ELAVL3: variants seen among roughly 807,000 people sequenced by gnomAD.
The protein encoded by ELAVL3 is ELAV like RNA binding protein 3.
Under a neutral mutation model 34.2 loss-of-function variants are expected in ELAVL3, and 8 were observed. That is an observed-to-expected ratio of 0.23 (90% CI 0.14 to 0.42). The LOEUF (loss-of-function observed/expected upper bound fraction) is 0.42, where lower values mean the gene tolerates loss of function less well. Among genes scored for constraint, ELAVL3 ranks in the 10% least tolerant of loss-of-function variants. The probability of loss-of-function intolerance (pLI) is 1.00; values close to 1 mark genes in which losing one functional copy is unlikely to be tolerated. For missense variants in ELAVL3, 273 were observed against 518.8 expected (o/e 0.53, Z 4.60); for synonymous variants, 209 against 222.1 (o/e 0.94, Z 0.53).
Position 11,454,292 on chromosome 19 carries a change from T to C in ELAVL3, c.*234A>G, listed in dbSNP as rs113632486. The C allele has an allele frequency of 4.7e-4, 252 of 541,066 alleles. No individual in the cohort carries two copies. The highest frequency in any genetic ancestry group is 3.6e-3 in the African/African-American group (193 of 53,082). The allele number at this position is 541,066 out of a possible 1,614,324, so 33.5% of individuals were successfully genotyped here. A position where few individuals can be genotyped will look rare whatever the true frequency, so the allele number is the denominator to read the frequency against. On this transcript the variant is annotated 3_prime_UTR_variant, in exon 7 of 7. Transcript: ENST00000359227. The surrounding 1 kb of genome is among the most constrained non-coding windows in gnomAD (Gnocchi z 9.2). ...AGACGAGAGAGTGAACAGCCCAGCC[T>C]GGGGTGGGGGCAGGAGGATGGGGCG...
Position 11,480,508 on chromosome 19 carries a change from T to TA in ELAVL3, c.9+91dup. The TA allele has an allele frequency of 8.5e-7, 1 of 1,178,216 alleles. No homozygotes were observed. The highest frequency in any genetic ancestry group is 1.1e-6 in the Non-Finnish European group (1 of 885,904). 73.0% of individuals were successfully genotyped at this position (1,178,216 alleles called of 1,614,324 possible). A position where few individuals can be genotyped will look rare whatever the true frequency, so the allele number is the denominator to read the frequency against. ...ACCCGGGCCTAGCTAGGCCTGGTCC[T>TA]ACCCCCCCCGCCGCACCCGCCCAAT... On this transcript the variant is annotated intron_variant, in intron 1 of 6. Coordinates refer to ENST00000359227, the MANE Select transcript of ELAVL3 (RefSeq NM_001420.4). This position sits in a 1 kb window ranked among gnomAD's most constrained non-coding sequence, Gnocchi z 6.8.
In ELAVL3 at chr19:11,454,465, C is replaced by T; in HGVS notation, c.*61G>A. On this transcript the variant is annotated 3_prime_UTR_variant, in exon 7 of 7. Transcript: ENST00000359227. The surrounding 1 kb of genome is among the most constrained non-coding windows in gnomAD (Gnocchi z 9.2). The stretch of plus-strand genomic sequence containing the variant: ...TTGGGCCCCTTCTCTCTCTCTCTCT[C>T]TCTTTCTCTCTCTCTCTCTCTGCTG... 2.9e-6 allele frequency: 4 copies of T among 1,379,922 alleles called. No individual in the cohort carries two copies. Among genetic ancestry groups the T allele is most frequent in the Admixed American group, 4.7e-5 (2 of 42,822 alleles). 85.5% of individuals were successfully genotyped at this position (1,379,922 alleles called of 1,614,324 possible). A position where few individuals can be genotyped will look rare whatever the true frequency, so the allele number is the denominator to read the frequency against.
rs1970633648 is a variant in ELAVL3 at position 11,451,546 on chromosome 19, T to C, written c.*2980A>G. On this transcript the variant is annotated 3_prime_UTR_variant, in exon 7 of 7. Transcript: ENST00000359227. ...TTTTTATCACCTCCAACATGGACTC[T>C]GTCGTGATTTGAAACCTTCCGAATA... 1 of 146,402 alleles carries C rather than the reference T, an allele frequency of 6.8e-6. No individual in the cohort carries two copies. Among genetic ancestry groups the C allele is most frequent in the Admixed American group, 6.8e-5 (1 of 14,616 alleles). The allele number at this position is 146,402 out of a possible 1,614,324, so 9.1% of individuals were successfully genotyped here.
intron 1 of ELAVL3, among the ~76,000 whole-genome samples, chr19:11,479,438 G>T (rs1347369065): frequency 6.6e-6 from 1 of 152,116 alleles, no homozygotes; most frequent in East Asian, 1.9e-4. Context: ...AGACACACAC[G>T]CAGAGACGGA....
At chr19:11,479,153 C>A (rs1359293070) in intron 1 of ELAVL3, among the ~76,000 whole-genome samples, 2 of 152,140 alleles carry the variant, frequency 1.3e-5, no homozygotes, top group African/African-American at 4.8e-5. Context: ...TTAGGAGATG[C>A]TGGACTGTTG....
chr19:11,475,701 C>T (rs1270037756), intron 1 of ELAVL3, among the ~76,000 whole-genome samples: 2 of 151,508 alleles, frequency 1.3e-5, no homozygotes, highest in African/African-American at 4.9e-5. Flanking sequence ...GCAACCTCCA[C>T]CTCCCAAGTT....
rs1235097322 is a variant in ELAVL3, at chr19:11,452,536, T to C, written c.*1990A>G. On this transcript the variant is annotated 3_prime_UTR_variant, in exon 7 of 7. Transcript: ENST00000359227. Reference sequence around the variant, plus strand: ...TGTGTGTTTTCTTTTTTTGTTGCTTTTTTTTCCTCTTCTGTTTGTGTTTTT... The same window carrying C: ...TGTGTGTTTTCTTTTTTTGTTGCTTCTTTTTCCTCTTCTGTTTGTGTTTTT... 1 of 152,066 alleles carries C rather than the reference T, an allele frequency of 6.6e-6. No individual in the cohort carries two copies. The highest frequency in any genetic ancestry group is 1.5e-5 in the Non-Finnish European group (1 of 68,040). 9.4% of individuals were successfully genotyped at this position (152,066 alleles called of 1,614,324 possible).
rs748578298 is a variant in ELAVL3 at position 11,458,204 on chromosome 19, C to A, written c.570G>T (p.Lys190Asn). 6.2e-7 allele frequency: 1 copy of A among 1,614,148 alleles called. No individual in the cohort carries two copies. The highest frequency in any genetic ancestry group is 1.7e-5 in the Admixed American group (1 of 60,034). The part of the protein sequence containing the change: ...EEAIKGLNGQ[K>N]PLGAAEPITV... Reference sequence around the variant, plus strand: ...TGATGGGCTCAGCTGCGCCCAGCGGCTTCTGCCCATTCAGTCCTTTGATAG... The same window carrying A: ...TGATGGGCTCAGCTGCGCCCAGCGGATTCTGCCCATTCAGTCCTTTGATAG... The change falls in exon 5 of 7, where the codon AAG becomes AAT. Residue 190 changes from lysine to asparagine, a missense_variant. Lys to Asn is a moderately conservative substitution (Grantham distance 94). Transcript: ENST00000359227. The surrounding 1 kb of genome is among the most constrained non-coding windows in gnomAD (Gnocchi z 7.3).
rs370224707 is a variant in ELAVL3, at chr19:11,479,700, C to T, written c.9+900G>A. Among the ~76,000 whole-genome samples the T allele has an allele frequency of 5.5e-4, 83 of 151,458 alleles. 1 individual carries two copies. In the East Asian group the frequency reaches 0.015, roughly 27 times the overall value. On this transcript the variant is annotated intron_variant, in intron 1 of 6. Transcript: ENST00000359227. ...CCGGGCGTGGCCAGGCAGGGCGTGG[C>T]AGGGCGGGAGGGGCTGCGCGCTCGG...
chr19:11,457,529 G>A (rs1450419986), intron 5 of ELAVL3, among the ~76,000 whole-genome samples: 3 of 152,194 alleles, frequency 2.0e-5, no homozygotes, highest in African/African-American at 7.2e-5. Context: ...GGCCACCCGG[G>A]GGCCCACAAG....
In ELAVL3 at chr19:11,480,234, G is replaced by C. The variant is rs1202750080; in HGVS notation, c.9+366C>G. 3.9e-6 allele frequency: 1 copy of C among 256,418 alleles called. No individual in the cohort carries two copies. Among genetic ancestry groups the C allele is most frequent in the Non-Finnish European group, 7.4e-6 (1 of 135,512 alleles). The allele number at this position is 256,418 out of a possible 1,614,324, so 15.9% of individuals were successfully genotyped here. ...TGGCTTGGCCCAGCACCAGTGATCGGGCCCTGCGTTTGCCTGGGCGGCCTG... is the reference window on the plus strand; with the variant it reads ...TGGCTTGGCCCAGCACCAGTGATCGCGCCCTGCGTTTGCCTGGGCGGCCTG... On this transcript the variant is annotated intron_variant, in intron 1 of 6. Transcript: ENST00000359227. This position sits in a 1 kb window ranked among gnomAD's most constrained non-coding sequence, Gnocchi z 6.8.
chr19:11,462,441 A>G (rs914652877), intron 3 of ELAVL3, among the ~76,000 whole-genome samples: 7 of 148,282 alleles, frequency 4.7e-5, no homozygotes, highest in African/African-American at 1.5e-4. Context: ...GTAGGAGACC[A>G]CCCTGGCCAA....
intron 5 of ELAVL3, 80 bp from the exon 6 acceptor site, chr19:11,457,228 C>A: frequency 7.0e-7 from 1 of 1,421,946 alleles, no homozygotes; most frequent in Non-Finnish European, 9.4e-7. Flanking sequence ...GCCCTCCCCA[C>A]CCCCACCCAA....
chr19:11,467,448 C>T (rs760671230), intron 1 of ELAVL3, among the ~76,000 whole-genome samples: 11 of 150,784 alleles, frequency 7.3e-5, no homozygotes, highest in Non-Finnish European at 1.0e-4. Flanking sequence ...TAAATGCTTT[C>T]GCTCTCAGAA....
At chr19:11,462,696 G>A (rs549668445) in intron 3 of ELAVL3, among the ~76,000 whole-genome samples, 8 of 151,722 alleles carry the variant, frequency 5.3e-5, no homozygotes, top group Non-Finnish European at 1.0e-4. Flanking sequence ...GGTGGCTCAC[G>A]CCTGTAATCC....
chr19:11,475,281 C>G (rs1309129295), intron 1 of ELAVL3, among the ~76,000 whole-genome samples: 2 of 152,196 alleles, frequency 1.3e-5, no homozygotes, highest in Non-Finnish European at 2.9e-5. Context: ...AAAGTGAATT[C>G]AGAGACGTAT....
chr19:11,464,760 TCACACACACCAC>T (rs1970986172), intron 3 of ELAVL3, among the ~76,000 whole-genome samples: 2 of 61,752 alleles, frequency 3.2e-5, no homozygotes, highest in Admixed American at 1.8e-4. Context: ...CACACACACA[TCACACACACCAC>T]ACACATACAC....
At chr19:11,464,860 ACACAC>A in intron 3 of ELAVL3, among the ~76,000 whole-genome samples, 1 of 125,438 alleles carries the variant, frequency 8.0e-6, no homozygotes. Context: ...TACACAACAC[ACACAC>A]CACACACACA....
chr19:11,462,311 A>T (rs1157713506), intron 3 of ELAVL3, among the ~76,000 whole-genome samples: 1 of 151,898 alleles, frequency 6.6e-6, no homozygotes, highest in Non-Finnish European at 1.5e-5. Flanking sequence ...AAATCACATC[A>T]GCCATTGTCA....
Sources: allele counts gnomAD v4.1 joint callset (sites outside exome capture counted in the v4.1 genomes callset), GRCh38; gene constraint gnomAD v4.1.1; non-coding constraint Gnocchi (gnomAD v3.1); transcripts MANE v1.5; gene names NCBI Gene and HGNC (gene_info 2026-07-23, HGNC 2026-07-21).